SLC12A8: variants seen among roughly 807,000 people sequenced by gnomAD.
The protein encoded by SLC12A8 is solute carrier family 12 member 8, also known as cation-chloride cotransporter 9.
A neutral mutation model predicts 75.6 loss-of-function variants in SLC12A8; 69 were observed. The observed-to-expected ratio is 0.91, with a 90% CI of 0.75 to 1.11. The LOEUF is 1.11. Among genes scored for constraint, SLC12A8 ranks in the 50% most tolerant of loss-of-function variants. The pLI is 0.00. For synonymous variants in SLC12A8, 365 were observed against 372.8 expected, an observed-to-expected ratio of 0.98 and a Z score of 0.24; for missense variants, 877 against 896.7, an observed-to-expected ratio of 0.98 and a Z score of 0.28.
intron 5 of SLC12A8, among the ~76,000 whole-genome samples, chr3:125,155,799 G>A (rs1191113395): frequency 2.1e-5 from 3 of 140,226 alleles, no homozygotes; most frequent in South Asian, 2.4e-4. Context: ...TAAGAGCAGG[G>A]TAACAGTTGA....
intron 6 of SLC12A8, among the ~76,000 whole-genome samples, chr3:125,125,300 G>A (rs1250166339): frequency 6.6e-6 from 1 of 152,150 alleles, no homozygotes; most frequent in Non-Finnish European, 1.5e-5. Context: ...GCTCATGCCT[G>A]TAATCCCAGC....
chr3:125,186,806 T>C (rs574868723), intron 4 of SLC12A8, among the ~76,000 whole-genome samples: 16 of 152,340 alleles, frequency 1.1e-4, no homozygotes, highest in African/African-American at 3.8e-4. Flanking sequence ...CGGGAGCTCC[T>C]GCTCATTTGA....
At chr3:125,199,066 CCA>C (rs1219178144) in intron 2 of SLC12A8, among the ~76,000 whole-genome samples, 7 of 152,148 alleles carry the variant, frequency 4.6e-5, no homozygotes, top group Non-Finnish European at 8.8e-5. Flanking sequence ...GCGTGAGCCA[CCA>C]TGCCCGGCTG....
At chr3:125,142,110 A>G (rs991170369) in intron 5 of SLC12A8, among the ~76,000 whole-genome samples, 2 of 152,224 alleles carry the variant, frequency 1.3e-5, no homozygotes, top group Non-Finnish European at 2.9e-5. Context: ...GTACCTCGCC[A>G]GACGCGGCCT....
rs200020788 is a variant in SLC12A8 at position 125,091,462 on chromosome 3, C to T, written c.1898G>A (p.Arg633Gln). 129 of 1,613,600 alleles carry T rather than the reference C, an allele frequency of 8.0e-5. No individual in the cohort carries two copies. The highest frequency in any genetic ancestry group is 3.8e-4 in the Admixed American group (23 of 59,966). ...VAAIVYFYIG[R>Q]ASPGLHLGSA... ...ACCAAGGTGAAGCCCTGGACTGGCC[C>T]GGCCAATGTAGAAATACACGATGGC... Residue 633 changes from arginine (R) to glutamine (Q), a missense_variant, in exon 12 of 14, where the codon CGG (arginine) becomes CAG (glutamine). Physicochemically the swap from Arg to Gln is conservative, Grantham distance 43. Transcript: ENST00000469902.
intron 2 of SLC12A8, among the ~76,000 whole-genome samples, chr3:125,208,222 G>A (rs1376179612): frequency 1.3e-5 from 2 of 152,120 alleles, no homozygotes; most frequent in East Asian, 1.9e-4. Flanking sequence ...GACTCACCCA[G>A]GCCTAGAAAG....
intron 2 of SLC12A8, among the ~76,000 whole-genome samples, chr3:125,202,804 GA>G (rs1371825587): frequency 3.9e-5 from 6 of 151,990 alleles, no homozygotes; most frequent in African/African-American, 1.5e-4. Flanking sequence ...TTATTAATGA[GA>G]AGCCGGGCAC....
At chr3:125,185,000 C>G (rs191810639) in intron 4 of SLC12A8, among the ~76,000 whole-genome samples, 1 of 152,132 alleles carries the variant, frequency 6.6e-6, no homozygotes, top group Non-Finnish European at 1.5e-5. Flanking sequence ...ATTAATATGC[C>G]GATGCATTAG....
intron 10 of SLC12A8, among the ~76,000 whole-genome samples, chr3:125,092,459 C>T (rs1318727632): frequency 6.6e-6 from 1 of 152,116 alleles, no homozygotes; most frequent in Non-Finnish European, 1.5e-5. Context: ...GATATGTCAT[C>T]TGGGGCAACT....
intron 13 of SLC12A8, among the ~76,000 whole-genome samples, chr3:125,085,766 G>T (rs979828696): frequency 1.3e-5 from 2 of 151,842 alleles, no homozygotes; most frequent in Non-Finnish European, 2.9e-5. Context: ...TAGTAGAGAT[G>T]GTGTTTTGCC....
At chr3:125,190,984 C>T (rs1934899262) in intron 2 of SLC12A8, among the ~76,000 whole-genome samples, 1 of 152,100 alleles carries the variant, frequency 6.6e-6, no homozygotes, top group African/African-American at 2.4e-5. Flanking sequence ...GGTCATGAGC[C>T]CTCTTCATCC....
At chr3:125,210,820 T>C (rs778299058) in intron 2 of SLC12A8, among the ~76,000 whole-genome samples, 3 of 152,022 alleles carry the variant, frequency 2.0e-5, no homozygotes, top group African/African-American at 4.8e-5. Flanking sequence ...TTCAATTCCA[T>C]ATCTACAGAA....
intron 10 of SLC12A8, among the ~76,000 whole-genome samples, chr3:125,098,444 C>A (rs545517725): frequency 6.6e-6 from 1 of 152,006 alleles, no homozygotes; most frequent in Admixed American, 6.6e-5. Context: ...TAAGTCAGGG[C>A]AATTAAACAG....
At position 125,187,404 on chromosome 3, in the gene SLC12A8, T is replaced by A. The variant is rs201389696; in HGVS notation, c.223A>T (p.Met75Leu). Residue 75 changes from methionine to leucine, a missense_variant, in exon 4 of 14, where the codon ATG (methionine) becomes TTG (leucine). Transcript: ENST00000469902. ...LVGNTGVLLGMFLVSFVILVA... is the reference protein window; with the variant it reads ...LVGNTGVLLGLFLVSFVILVA... The stretch of plus-strand genomic sequence containing the variant: ...AGGATGACGAAGGACACCAGGAACA[T>A]GCCCAGGAGCACTCCTGTGTTTCCC... 1 of 1,614,096 alleles carries A rather than the reference T, an allele frequency of 6.2e-7. No individual in the cohort carries two copies. The highest frequency in any genetic ancestry group is 1.7e-5 in the Admixed American group (1 of 60,022).
rs568979166 is a variant in SLC12A8, at chr3:125,172,760, T to G, written c.622+4983A>C. Among the ~76,000 whole-genome samples the G allele has an allele frequency of 3.9e-5, 6 of 152,360 alleles. No individual in the cohort carries two copies. In the East Asian group the frequency reaches 1.2e-3, roughly 29 times the overall value. ...AGGAGACTTTCATTCTTTACTTTAC[T>G]TTTTACATTTTTACATTATACATTT... is the stretch of plus-strand genomic sequence containing the variant. On this transcript the variant is annotated intron_variant, in intron 5 of 13. Coordinates refer to ENST00000469902, the MANE Select transcript of SLC12A8 (RefSeq NM_024628.6).
intron 2 of SLC12A8, among the ~76,000 whole-genome samples, chr3:125,204,549 A>G (rs1935190108): frequency 6.6e-6 from 1 of 152,186 alleles, no homozygotes; most frequent in Non-Finnish European, 1.5e-5. Flanking sequence ...TGAGCTAAAT[A>G]GTAGAATGAT....
At chr3:125,147,074 G>A (rs76195121) in intron 5 of SLC12A8, among the ~76,000 whole-genome samples, 2,091 of 152,328 alleles carry the variant, frequency 0.014, 53 homozygotes, top group African/African-American at 0.048. Flanking sequence ...CAGCAAAGCC[G>A]TCAAGAAACA....
At chr3:125,091,305 G>T in intron 12 of SLC12A8, 134 bp downstream of exon 12, 1 of 650,696 alleles carries the variant, frequency 1.5e-6, no homozygotes. Flanking sequence ...TCTCCTCCTA[G>T]ACTATAAATT....
At chr3:125,164,381 AGT>A (rs1934243033) in intron 5 of SLC12A8, among the ~76,000 whole-genome samples, 1 of 152,190 alleles carries the variant, frequency 6.6e-6, no homozygotes, top group African/African-American at 2.4e-5. Context: ...CATCTCACTC[AGT>A]TGTTTCAAAG....
Sources: allele counts gnomAD v4.1 joint callset (sites outside exome capture counted in the v4.1 genomes callset), GRCh38; gene constraint gnomAD v4.1.1; transcripts MANE v1.5; gene names NCBI Gene and HGNC (gene_info 2026-07-23, HGNC 2026-07-21).